DAB1: variants seen among roughly 807,000 people sequenced by gnomAD.
DAB1 encodes the protein disabled homolog 1.
Under a neutral mutation model 64.6 loss-of-function variants are expected in DAB1, and 15 were observed. The observed-to-expected ratio is 0.23, with a 90% CI of 0.16 to 0.36. DAB1 has a LOEUF of 0.36. DAB1 is among the 10% of genes least tolerant of loss of function. The probability of loss-of-function intolerance (pLI) is 1.00; values close to 1 mark genes in which losing one functional copy is unlikely to be tolerated. For synonymous variants in DAB1, 235 were observed against 251.9 expected, an observed-to-expected ratio of 0.93 and a Z score of 0.64; for missense variants, 596 against 706.7, an observed-to-expected ratio of 0.84 and a Z score of 1.78.
chr1:58,305,065 A>G (rs1405110630), intron 4 of DAB1, among the ~76,000 whole-genome samples: 2 of 152,058 alleles, frequency 1.3e-5, no homozygotes, highest in African/African-American at 4.8e-5. Flanking sequence ...ATCATAGCAC[A>G]CTACAGTCTT....
intron 5 of DAB1, among the ~76,000 whole-genome samples, chr1:58,116,072 A>G (rs917618467): frequency 4.6e-5 from 7 of 152,178 alleles, no homozygotes; most frequent in Non-Finnish European, 1.0e-4. Context: ...CAGTTTGTCA[A>G]CCTGCCTTGA....
intron 1 of DAB1, among the ~76,000 whole-genome samples, chr1:57,341,806 A>C (rs766750939): frequency 7.2e-5 from 11 of 152,176 alleles, no homozygotes; most frequent in Non-Finnish European, 1.5e-4. Flanking sequence ...CACTCATCTA[A>C]TGGTCAAACA....
Position 57,169,910 on chromosome 1 carries a change from G to A in DAB1, c.68-24481C>T, listed in dbSNP as rs182633522. 1.3e-3 allele frequency among the ~76,000 whole-genome samples: 205 copies of A among 152,064 alleles called. 2 individuals carry two copies. Among genetic ancestry groups the A allele is most frequent in the African/African-American group, 4.3e-3 (180 of 41,500 alleles). The stretch of plus-strand genomic sequence containing the variant: ...CAATCTCTCTCCCCAACTGCAAGAC[G>A]CCACTGCAGTTGTCCTTATATCTGT... On this transcript the variant is annotated intron_variant, in intron 2 of 14. Coordinates refer to ENST00000371236, the MANE Select transcript of DAB1 (RefSeq NM_001365792.1).
intron 4 of DAB1, among the ~76,000 whole-genome samples, chr1:57,128,828 T>G (rs1042323130): frequency 6.6e-6 from 1 of 152,152 alleles, no homozygotes; most frequent in Admixed American, 6.5e-5. Flanking sequence ...AGAAAAATGA[T>G]CACTTGCTTG....
chr1:57,790,366 G>A (rs1057025542), intron 6 of DAB1, among the ~76,000 whole-genome samples: 1 of 152,176 alleles, frequency 6.6e-6, no homozygotes, highest in Non-Finnish European at 1.5e-5. Flanking sequence ...AGAAGGACAT[G>A]TTTGCTTCCC....
At position 57,692,740 on chromosome 1, in the gene DAB1, G is replaced by A. The variant is rs140193636; in HGVS notation, n.552-43075C>T. On this transcript the variant is annotated intron_variant and non_coding_transcript_variant, in intron 6 of 20. Transcript: ENST00000485760. ...TCTACAATCCCAAATAGACTCTTTG[G>A]CAGCAGTGACTCACCAAAACCGTGG... Among the ~76,000 whole-genome samples the A allele has an allele frequency of 1.6e-3, 241 of 152,210 alleles. 1 individual carries two copies. Among genetic ancestry groups the A allele is most frequent in the African/African-American group, 5.6e-3 (233 of 41,528 alleles).
intron 8 of DAB1, among the ~76,000 whole-genome samples, chr1:57,066,008 C>A (rs1650872596): frequency 6.6e-6 from 1 of 152,140 alleles, no homozygotes; most frequent in South Asian, 2.1e-4. Flanking sequence ...ACATTCCGTA[C>A]TATACATACA....
At chr1:58,244,362 C>A (rs1660440909) in intron 4 of DAB1, among the ~76,000 whole-genome samples, 1 of 152,190 alleles carries the variant, frequency 6.6e-6, no homozygotes, top group African/African-American at 2.4e-5. Flanking sequence ...AGGGCACAGG[C>A]TACTCATGCT....
chr1:57,665,849 C>CTGTGTG lies in DAB1; in HGVS notation n.552-16190_552-16185dup, dbSNP rs397862533. On this transcript the variant is annotated intron_variant and non_coding_transcript_variant, in intron 6 of 20. Coordinates refer to the DAB1 transcript ENST00000485760. ...TTTTCTTCCCTTTTTTTTTAATTAT[C>CTGTGTG]TGTGTGTGTGTGTGTGTGTGTGTGT... 6.6e-3 allele frequency among the ~76,000 whole-genome samples: 909 copies of CTGTGTG among 137,208 alleles called. 3 individuals are homozygous for CTGTGTG. The highest frequency in any genetic ancestry group is 0.017 in the African/African-American group (628 of 37,208). The allele number at this position is 137,208 out of a possible 152,430, so 90.0% of individuals were successfully genotyped here.
intron 7 of DAB1, among the ~76,000 whole-genome samples, chr1:57,464,242 T>C (rs992893871): frequency 6.6e-6 from 1 of 152,144 alleles, no homozygotes; most frequent in Admixed American, 6.5e-5. Context: ...CCAAAGTCAT[T>C]TGTAATGCCC....
intron 5 of DAB1, among the ~76,000 whole-genome samples, chr1:58,029,681 A>G (rs1256427130): frequency 2.0e-5 from 3 of 152,244 alleles, no homozygotes; most frequent in Non-Finnish European, 4.4e-5. Flanking sequence ...AAGAATGCTA[A>G]TAAAATGATC....
intron 5 of DAB1, among the ~76,000 whole-genome samples, chr1:57,964,419 TATTG>T (rs1645601632): frequency 6.6e-6 from 1 of 152,252 alleles, no homozygotes; most frequent in African/African-American, 2.4e-5. Context: ...GGTCAGTAAC[TATTG>T]ATTGCTTCAC....
chr1:57,867,907 T>C (rs1654375973), intron 1 of DAB1, among the ~76,000 whole-genome samples: 1 of 152,110 alleles, frequency 6.6e-6, no homozygotes, highest in African/African-American at 2.4e-5. Flanking sequence ...TAACCAGCAC[T>C]AGAAAAGCAG....
chr1:58,072,058 A>G (rs1649296938), intron 5 of DAB1, among the ~76,000 whole-genome samples: 1 of 90,812 alleles, frequency 1.1e-5, no homozygotes, highest in Non-Finnish European at 1.9e-5. Context: ...AAAGCAGGAT[A>G]GGGGATAGCA....
chr1:57,696,248 G>A (rs896464486), intron 6 of DAB1, among the ~76,000 whole-genome samples: 10 of 152,018 alleles, frequency 6.6e-5, no homozygotes, highest in African/African-American at 2.4e-4. Context: ...GCTTGTTTTA[G>A]TCTCTGTTCC....
chr1:57,784,636 C>G lies in DAB1; in HGVS notation n.551+99363G>C, dbSNP rs1650256780. On this transcript the variant is annotated intron_variant and non_coding_transcript_variant, in intron 6 of 20. Coordinates refer to the DAB1 transcript ENST00000485760. ...ATAATCCAGAGCAAGGCCCTGAACTCTTCAATTTCATGAAGGCTGAAAGAG... is the reference window on the plus strand; with the variant it reads ...ATAATCCAGAGCAAGGCCCTGAACTGTTCAATTTCATGAAGGCTGAAAGAG... Among the ~76,000 whole-genome samples, 4 of 152,230 alleles carry G rather than the reference C, an allele frequency of 2.6e-5. No individual in the cohort carries two copies. The South Asian group carries it at 8.3e-4, about 32-fold the overall frequency.
chr1:58,497,123 T>C (rs535958670), intron 3 of DAB1, among the ~76,000 whole-genome samples: 4 of 152,294 alleles, frequency 2.6e-5, no homozygotes, highest in Non-Finnish European at 2.9e-5. Flanking sequence ...CAGGTATATA[T>C]AGAAACAAGT....
Position 57,912,041 on chromosome 1 carries a change from G to T in DAB1, n.388-27879C>A, listed in dbSNP as rs141548505. ...ATATACGTCCAGCGCACTAAAGCCT[G>T]AGGGGGAGGGGAGATTAAGAAGGTT... On this transcript the variant is annotated intron_variant and non_coding_transcript_variant, in intron 5 of 20. Coordinates refer to the DAB1 transcript ENST00000485760. Among the ~76,000 whole-genome samples the T allele has an allele frequency of 3.9e-5, 6 of 152,318 alleles. No homozygotes were observed. In the East Asian group the frequency reaches 9.7e-4, roughly 25 times the overall value.
chr1:58,516,286 C>T (rs12141238), intron 2 of DAB1, among the ~76,000 whole-genome samples: 16 of 152,000 alleles, frequency 1.1e-4, no homozygotes, highest in Admixed American at 4.6e-4. Flanking sequence ...GAAACTGTTA[C>T]GAAAAAATTA....
Sources: gnomAD v4.1 joint callset for allele counts (sites outside exome capture counted in the v4.1 genomes callset) on GRCh38, gnomAD v4.1.1 for gene constraint, MANE v1.5 for transcripts, NCBI Gene and HGNC (gene_info 2026-07-23, HGNC 2026-07-21) for gene names.